Variants in LYG2 observed in about 807,000 individuals in gnomAD.
LYG2 encodes the protein lysozyme g2.
In LYG2, 25 loss-of-function variants were observed where a neutral mutation model predicts 22.4. The observed-to-expected ratio is 1.12, with a 90% CI of 0.81 to 1.56. The LOEUF (loss-of-function observed/expected upper bound fraction) is 1.56. Ranked by LOEUF, LYG2 falls within the 40% of genes most tolerant of loss-of-function variation. The pLI, the probability that LYG2 is intolerant of heterozygous loss-of-function variation, is 0.00. For missense variants in LYG2, 266 were observed against 269.5 expected, an observed-to-expected ratio of 0.99 and a Z score of 0.09; for synonymous variants, 88 against 97.0, an observed-to-expected ratio of 0.91 and a Z score of 0.55.
chr2:99,250,574 G>C (rs13420915), intron 3 of LYG2, among the ~76,000 whole-genome samples: 2,875 of 152,084 alleles, frequency 0.019, 98 homozygotes, highest in African/African-American at 0.063. Flanking sequence ...CGGGGTTTCA[G>C]CATGTTAGCC....
chr2:99,256,700 T>C (rs2094036987), upstream of LYG2, among the ~76,000 whole-genome samples: 1 of 152,162 alleles, frequency 6.6e-6, no homozygotes, highest in Non-Finnish European at 1.5e-5. Context: ...GAAGAATACT[T>C]ATCCTTCTGC....
At chr2:99,243,518 A>ATAGATAGG (rs2094010134) in intron 6 of LYG2, 1 of 1,518,484 alleles carries the variant, frequency 6.6e-7, no homozygotes, top group East Asian at 2.5e-5. Context: ...AGATAGATAG[A>ATAGATAGG]TAGATAGATA....
chr2:99,257,586 C>T (rs2094038593), upstream of LYG2, among the ~76,000 whole-genome samples: 1 of 152,160 alleles, frequency 6.6e-6, no homozygotes, highest in African/African-American at 2.4e-5. Context: ...GAACTTGGCA[C>T]CTGTCATAAT....
At chr2:99,252,881 C>A (rs1251329010) in intron 3 of LYG2, among the ~76,000 whole-genome samples, 2 of 151,788 alleles carry the variant, frequency 1.3e-5, no homozygotes, top group African/African-American at 4.8e-5. Context: ...CCTGTCTCTA[C>A]TAAAAATACA....
At chr2:99,248,735 A>G (rs1025602258) in intron 3 of LYG2, among the ~76,000 whole-genome samples, 1 of 151,036 alleles carries the variant, frequency 6.6e-6, no homozygotes, top group Non-Finnish European at 1.5e-5. Context: ...AAGTATAATA[A>G]TAATAAAATA....
upstream of LYG2, among the ~76,000 whole-genome samples, chr2:99,257,777 C>T (rs193163577): frequency 2.2e-3 from 339 of 152,278 alleles, 3 homozygotes; most frequent in Middle Eastern, 0.034. Flanking sequence ...TTCCTGGCTT[C>T]AGTGGTGGAG....
At chr2:99,253,650 A>C (rs1239123221) in intron 3 of LYG2, among the ~76,000 whole-genome samples, 2 of 151,890 alleles carry the variant, frequency 1.3e-5, no homozygotes, top group Non-Finnish European at 2.9e-5. Context: ...CACTGACCCA[A>C]AGACTTTTCA....
chr2:99,249,476 A>C (rs1394784608), intron 3 of LYG2, among the ~76,000 whole-genome samples: 2 of 151,550 alleles, frequency 1.3e-5, no homozygotes, highest in East Asian at 3.9e-4. Flanking sequence ...AAAAAAATAG[A>C]ATCTGGTTGG....
At position 99,245,427 on chromosome 2, in the gene LYG2, C is replaced by T. The variant is rs1298285832; in HGVS notation, c.216G>A (p.Met72Ile). 1 of 1,609,936 alleles carries T rather than the reference C, an allele frequency of 6.2e-7. No individual in the cohort carries two copies. The highest frequency in any genetic ancestry group is 1.7e-5 in the Admixed American group (1 of 59,582). ...GGTAAGGTTTTATGGCCCTCAAATCCATCTCAGCAAACATTTCAGAACCAC... is the reference window on the plus strand; with the variant it reads ...GGTAAGGTTTTATGGCCCTCAAATCTATCTCAGCAAACATTTCAGAACCAC... ...GIRGSEMFAE[M>I]DLRAIKPYQT... Residue 72 changes from methionine (M) to isoleucine (I), a missense_variant, in exon 5 of 7, where the codon ATG becomes ATA. Met to Ile is a conservative substitution (Grantham distance 10). Coordinates refer to ENST00000333017, the MANE Select transcript of LYG2 (RefSeq NM_175735.4).
chr2:99,247,912 G>A (rs1247878853), intron 3 of LYG2, among the ~76,000 whole-genome samples: 1 of 152,048 alleles, frequency 6.6e-6, no homozygotes, highest in Non-Finnish European at 1.5e-5. Flanking sequence ...CCATCAAAAA[G>A]TGGGCGAAGT....
At chr2:99,249,830 C>T (rs1019571148) in intron 3 of LYG2, among the ~76,000 whole-genome samples, 3 of 151,808 alleles carry the variant, frequency 2.0e-5, no homozygotes, top group Non-Finnish European at 4.4e-5. Flanking sequence ...ATAGTCCCAG[C>T]CAGCATCATT....
At chr2:99,245,128 T>A (rs867321848) in intron 5 of LYG2, 134 bp downstream of exon 5, 72 of 885,016 alleles carry the variant, frequency 8.1e-5, no homozygotes, top group Middle Eastern at 3.9e-4. Flanking sequence ...AAAAAAAAAA[T>A]TATGCTGGAG....
At chr2:99,251,898 C>CACGATCTCGGCTCA (rs559117889) in intron 3 of LYG2, among the ~76,000 whole-genome samples, 64 of 123,516 alleles carry the variant, frequency 5.2e-4, no homozygotes, top group East Asian at 1.1e-3. Context: ...AGTGCAGTGG[C>CACGATCTCGGCTCA]CATTCTCCTG....
intron 3 of LYG2, among the ~76,000 whole-genome samples, chr2:99,249,992 T>G (rs1352551089): frequency 6.6e-6 from 1 of 152,070 alleles, no homozygotes; most frequent in Non-Finnish European, 1.5e-5. Flanking sequence ...TTTCTCCTCC[T>G]TTAGGGGAAT....
intron 4 of LYG2, 104 bp downstream of exon 4, chr2:99,246,576 G>T: frequency 1.5e-6 from 2 of 1,327,320 alleles, no homozygotes; most frequent in Non-Finnish European, 2.1e-6. Flanking sequence ...TGATACTATT[G>T]TCATAATGAT....
At chr2:99,253,292 A>G (rs1176213930) in intron 3 of LYG2, among the ~76,000 whole-genome samples, 1 of 152,148 alleles carries the variant, frequency 6.6e-6, no homozygotes, top group Non-Finnish European at 1.5e-5. Context: ...TCAGCTATAC[A>G]CAGCTAATAT....
upstream of LYG2, among the ~76,000 whole-genome samples, chr2:99,259,471 T>G (rs1388031860): frequency 6.6e-6 from 1 of 152,064 alleles, no homozygotes; most frequent in Non-Finnish European, 1.5e-5. Context: ...GGTGCCCACC[T>G]CTGGATCATT....
chr2:99,250,591 G>T (rs544492034), intron 3 of LYG2, among the ~76,000 whole-genome samples: 2 of 152,142 alleles, frequency 1.3e-5, no homozygotes, highest in Non-Finnish European at 2.9e-5. Context: ...AGCCAGGATG[G>T]TCTCGATCTG....
At chr2:99,260,523 G>A (rs1336664637), upstream of LYG2, among the ~76,000 whole-genome samples, 1 of 152,156 alleles carries the variant, frequency 6.6e-6, no homozygotes, top group Non-Finnish European at 1.5e-5. Flanking sequence ...TAGAAGTCTG[G>A]ATGATTTTGT....
Sources: allele counts gnomAD v4.1 joint callset (sites outside exome capture counted in the v4.1 genomes callset), GRCh38; gene constraint gnomAD v4.1.1; transcripts MANE v1.5; gene names NCBI Gene and HGNC (gene_info 2026-07-23, HGNC 2026-07-21).